FNDC3A: variants seen among roughly 807,000 people sequenced by gnomAD.
The protein encoded by FNDC3A is fibronectin type-III domain-containing protein 3A.
FNDC3A carries 32 observed loss-of-function variants against 148.9 expected under a neutral mutation model. The observed-to-expected ratio is 0.21, with a 90% CI of 0.16 to 0.29. FNDC3A has a LOEUF of 0.29. Ranked by LOEUF, FNDC3A falls within the 10% of genes least tolerant of loss-of-function variation. The probability of loss-of-function intolerance (pLI) is 1.00; values close to 1 mark genes in which losing one functional copy is unlikely to be tolerated. For missense variants in FNDC3A, 1,191 were observed against 1,452.8 expected (o/e 0.82, Z 2.93); for synonymous variants, 472 against 473.6 (o/e 1.00, Z 0.04).
At chr13:49,071,611 C>T (rs1877696882) in intron 2 of FNDC3A, among the ~76,000 whole-genome samples, 1 of 152,106 alleles carries the variant, frequency 6.6e-6, no homozygotes, top group Admixed American at 6.6e-5. Flanking sequence ...TTTTGATTTG[C>T]ATTTCCCTGA....
intron 1 of FNDC3A, among the ~76,000 whole-genome samples, chr13:48,995,284 G>C (rs1255101467): frequency 6.6e-6 from 1 of 150,378 alleles, no homozygotes; most frequent in African/African-American, 2.4e-5. Context: ...TACTGTAAGG[G>C]AGCCTATTTC....
chr13:49,063,984 C>T (rs1877078854), intron 2 of FNDC3A, among the ~76,000 whole-genome samples: 1 of 152,130 alleles, frequency 6.6e-6, no homozygotes, highest in Non-Finnish European at 1.5e-5. Flanking sequence ...ATACAAACGA[C>T]TATTACAAAT....
intron 2 of FNDC3A, among the ~76,000 whole-genome samples, chr13:49,056,960 C>T (rs1312813616): frequency 6.6e-6 from 1 of 152,098 alleles, no homozygotes. Context: ...TGGACTAATT[C>T]TTCATGATTT....
intron 2 of FNDC3A, among the ~76,000 whole-genome samples, chr13:49,021,469 T>A (rs1187948070): frequency 6.6e-6 from 1 of 152,206 alleles, no homozygotes; most frequent in Non-Finnish European, 1.5e-5. Flanking sequence ...CTTTTGGAGA[T>A]GAGACTTTTA....
intron 17 of FNDC3A, among the ~76,000 whole-genome samples, chr13:49,189,475 C>T (rs2138102530): frequency 6.6e-6 from 1 of 152,184 alleles, no homozygotes; most frequent in South Asian, 2.1e-4. Context: ...GCCACCGCAC[C>T]CGGCCAAGTG....
intron 2 of FNDC3A, among the ~76,000 whole-genome samples, chr13:49,030,593 G>C (rs1874038422): frequency 6.6e-6 from 1 of 152,130 alleles, no homozygotes; most frequent in South Asian, 2.1e-4. Flanking sequence ...AAGAGAACAT[G>C]ATCTTGTAAA....
intron 3 of FNDC3A, among the ~76,000 whole-genome samples, chr13:49,111,697 GC>G (rs1880585487): frequency 6.8e-6 from 1 of 146,748 alleles, no homozygotes; most frequent in South Asian, 2.1e-4. Flanking sequence ...CTGCACTCCA[GC>G]CTGGGCAACA....
chr13:49,091,611 C>T (rs2137817890), intron 3 of FNDC3A, among the ~76,000 whole-genome samples: 1 of 152,342 alleles, frequency 6.6e-6, no homozygotes, highest in Non-Finnish European at 1.5e-5. Flanking sequence ...TGTAGTGCTG[C>T]AGCTGTTCAC....
intron 1 of FNDC3A, among the ~76,000 whole-genome samples, chr13:48,989,697 A>AATG (rs1951873933): frequency 6.6e-6 from 1 of 152,146 alleles, no homozygotes; most frequent in Non-Finnish European, 1.5e-5. Flanking sequence ...CAATAAGCAT[A>AATG]AGAAAGATGA....
At position 49,185,969 on chromosome 13, in the gene FNDC3A, T is replaced by C; in HGVS notation, c.1623T>C (p.Ile541=). ...RRSTKYKFKV[I]AYNSEGKSNP... ...TCTTTCTGTTCTCATCACAGGTTAT[T>C]GCTTACAACTCAGAAGGTAAAAGTA... Residue 541 remains isoleucine (I), a synonymous_variant, in exon 15 of 26, where the codon ATT becomes ATC. Transcript: ENST00000492622. 1 of 1,610,326 alleles carries C rather than the reference T, an allele frequency of 6.2e-7. No homozygotes were observed. Among genetic ancestry groups the C allele is most frequent in the Non-Finnish European group, 8.5e-7 (1 of 1,177,302 alleles).
chr13:49,099,593 T>C (rs1003364706), intron 3 of FNDC3A, among the ~76,000 whole-genome samples: 1 of 152,168 alleles, frequency 6.6e-6, no homozygotes, highest in African/African-American at 2.4e-5. Context: ...TTATCACTTA[T>C]TGTATTGTGT....
intron 1 of FNDC3A, among the ~76,000 whole-genome samples, chr13:48,977,317 T>C (rs1279030327): frequency 2.6e-5 from 4 of 152,218 alleles, no homozygotes; most frequent in Non-Finnish European, 4.4e-5. Flanking sequence ...TTCTGTATTG[T>C]AGGAATGAAA....
chr13:48,992,288 A>G (rs1951936871), intron 1 of FNDC3A, among the ~76,000 whole-genome samples: 1 of 152,224 alleles, frequency 6.6e-6, no homozygotes, highest in South Asian at 2.1e-4. Context: ...TAAAATGACA[A>G]ATCGATAAAT....
At chr13:49,091,347 A>T (rs1368297935) in intron 3 of FNDC3A, among the ~76,000 whole-genome samples, 1 of 152,098 alleles carries the variant, frequency 6.6e-6, no homozygotes, top group East Asian at 1.9e-4. Flanking sequence ...CAGACTTAAA[A>T]AAAAAAAAAC....
At chr13:49,070,902 T>G (rs1215838495) in intron 2 of FNDC3A, among the ~76,000 whole-genome samples, 27 of 146,362 alleles carry the variant, frequency 1.8e-4, no homozygotes, top group Admixed American at 1.8e-3. Context: ...TTGTTTTGTT[T>G]TTTTTCTTTT....
intron 1 of FNDC3A, among the ~76,000 whole-genome samples, chr13:48,981,276 A>G (rs1021909316): frequency 6.6e-6 from 1 of 152,116 alleles, no homozygotes; most frequent in African/African-American, 2.4e-5. Flanking sequence ...TCTTAGTTCT[A>G]ACTTCACCAC....
chr13:49,120,512 G>C (rs1001939679), intron 4 of FNDC3A, among the ~76,000 whole-genome samples: 1 of 152,026 alleles, frequency 6.6e-6, no homozygotes, highest in African/African-American at 2.4e-5. Flanking sequence ...AATGTAAATG[G>C]GCTAAATGCC....
chr13:49,136,352 A>G lies in FNDC3A; in HGVS notation c.511A>G (p.Arg171Gly). ...CCTAGATGCTCACTCTACACATGGA[A>G]GGTCCAACTTTAGAGATGAACGATC... is the stretch of plus-strand genomic sequence containing the variant. ...GDVDAHSTHG[R>G]SNFRDERSSK... The change falls in exon 6 of 26, where the codon AGG (arginine) becomes GGG (glycine). Residue 171 changes from arginine (R) to glycine (G), a missense_variant. Transcript: ENST00000492622. The G allele has an allele frequency of 6.2e-7, 1 of 1,614,090 alleles. No homozygotes were observed. The highest frequency in any genetic ancestry group is 8.5e-7 in the Non-Finnish European group (1 of 1,179,954).
At chr13:49,180,324 T>G (rs1010809228) in intron 14 of FNDC3A, among the ~76,000 whole-genome samples, 10 of 152,238 alleles carry the variant, frequency 6.6e-5, no homozygotes. Flanking sequence ...CAAAGAAATT[T>G]TATTACTTCT....
Sources: gnomAD v4.1 joint callset for allele counts (sites outside exome capture counted in the v4.1 genomes callset) on GRCh38, gnomAD v4.1.1 for gene constraint, MANE v1.5 for transcripts, NCBI Gene and HGNC (gene_info 2026-07-23, HGNC 2026-07-21) for gene names.